Variants in SREK1 observed in about 807,000 individuals in gnomAD.
The protein encoded by SREK1 is splicing regulatory glutamine/lysine-rich protein 1.
A neutral mutation model predicts 66.5 loss-of-function variants in SREK1; 13 were observed. The observed-to-expected ratio is 0.20, with a 90% CI of 0.13 to 0.31. The LOEUF is 0.31. SREK1 is among the 10% of genes least tolerant of loss of function. SREK1 has a pLI of 1.00. For synonymous variants in SREK1, 265 were observed against 263.5 expected, an observed-to-expected ratio of 1.01 and a Z score of -0.05; for missense variants, 607 against 769.6, an observed-to-expected ratio of 0.79 and a Z score of 2.50.
chr5:66,164,283 A>G (rs1744994077), intron 6 of SREK1: 1 of 261,546 alleles, frequency 3.8e-6, no homozygotes, highest in Middle Eastern at 1.4e-3. Context: ...TTTTAATTTT[A>G]GAAGTAGAGA....
At chr5:66,144,786 C>T (rs1743008305) in intron 1 of SREK1, 1 of 1,209,276 alleles carries the variant, frequency 8.3e-7, no homozygotes, top group Non-Finnish European at 1.0e-6. Flanking sequence ...TCTGTGCCTC[C>T]GGGACTTGTG....
Position 66,162,163 on chromosome 5 carries a change from A to G in SREK1, c.466A>G (p.Asn156Asp). 1 of 1,614,130 alleles carries G rather than the reference A, an allele frequency of 6.2e-7. No homozygotes were observed. Among genetic ancestry groups the G allele is most frequent in the Non-Finnish European group, 8.5e-7 (1 of 1,179,968 alleles). The change falls in exon 4 of 12, where the codon AAC becomes GAC. Residue 156 changes from asparagine (N) to aspartate (D), a missense_variant. By Grantham distance (23) the Asn-to-Asp change is conservative (BLOSUM62 1). Around this residue, in one of 5 missense-constraint regions of SREK1, gnomAD observed 99 missense variants for 186.6 expected, o/e 0.53. Coordinates refer to ENST00000334121, the MANE Select transcript of SREK1 (RefSeq NM_001077199.3). ...GAIPAAALDPNIATLGEIPQP... is the reference protein window; with the variant it reads ...GAIPAAALDPDIATLGEIPQP... ...TATACCAGCAGCAGCACTAGACCCC[A>G]ACATTGCAACACTTGGAGAGATACC...
chr5:66,144,380 A>G lies in SREK1; in HGVS notation c.4A>G (p.Asn2Asp). The stretch of plus-strand genomic sequence containing the variant: ...AGGCAACGGCAGCGGGATCGGGATG[A>G]ACAGCGGCGGCGGCTTCGGTTTGGG... MNSGGGFGLGLG... is the reference protein window; with the variant it reads MDSGGGFGLGLG... The change falls in exon 1 of 12, where the codon AAC becomes GAC. Residue 2 changes from asparagine (N) to aspartate (D), a missense_variant. Physicochemically the swap from Asn to Asp is conservative, Grantham distance 23. Coordinates refer to ENST00000334121, the MANE Select transcript of SREK1 (RefSeq NM_001077199.3). 1.1e-5 allele frequency: 17 copies of G among 1,547,430 alleles called. No individual in the cohort carries two copies. Among genetic ancestry groups the G allele is most frequent in the Non-Finnish European group, 1.5e-5 (17 of 1,144,372 alleles).
At position 66,170,575 on chromosome 5, in the gene SREK1, GT is replaced by G. The variant is rs1745549865; in HGVS notation, c.1122-5del. The G allele has an allele frequency of 6.3e-7, 1 of 1,575,812 alleles. No individual in the cohort carries two copies. The highest frequency in any genetic ancestry group is 1.4e-5 in the African/African-American group (1 of 72,456). On this transcript the variant is annotated splice_polypyrimidine_tract_variant and intron_variant, in intron 8 of 11. Coordinates refer to ENST00000334121, the MANE Select transcript of SREK1 (RefSeq NM_001077199.3). Reference sequence around the variant, plus strand: ...TTTAGTTATGAATTTATTTATTTTTGTTTTTAAAGGGACAAGAGAAAAGACA... The same window carrying G: ...TTTAGTTATGAATTTATTTATTTTTGTTTTAAAGGGACAAGAGAAAAGACA...
chr5:66,144,630 G>A (rs1001947301), intron 1 of SREK1, 93 bp downstream of exon 1: 1 of 1,451,342 alleles, frequency 6.9e-7, no homozygotes, highest in Non-Finnish European at 9.1e-7. Context: ...CGGGCGCGCG[G>A]TGCATGTCAC....
chr5:66,165,896 A>G (rs1745135748), intron 7 of SREK1: 1 of 152,112 alleles, frequency 6.6e-6, no homozygotes, highest in Non-Finnish European at 1.5e-5. Context: ...GTGTGTGTTG[A>G]TCAAGGAGAT....
At chr5:66,173,937 T>C (rs1349503799) in intron 9 of SREK1, among the ~76,000 whole-genome samples, 1 of 152,232 alleles carries the variant, frequency 6.6e-6, no homozygotes, top group Non-Finnish European at 1.5e-5. Context: ...AGTTGTGTTC[T>C]CAGAGTTCTT....
Position 66,157,288 on chromosome 5 carries a change from C to T in SREK1, c.296-1931C>T, listed in dbSNP as rs144271121. On this transcript the variant is annotated intron_variant, in intron 2 of 11. Coordinates refer to ENST00000334121, the MANE Select transcript of SREK1 (RefSeq NM_001077199.3). ...AGACTTCATAATACTAAGTAGTCAA[C>T]TTTTGGCCAGTGTTGAATACCCTTT... is the stretch of plus-strand genomic sequence containing the variant. 2,783 of 985,008 alleles carry T rather than the reference C, an allele frequency of 2.8e-3. 69 individuals carry two copies. In the African/African-American group the frequency reaches 0.044, roughly 16 times the overall value. The allele number at this position is 985,008 out of a possible 1,614,324, so 61.0% of individuals were successfully genotyped here. A position where few individuals can be genotyped will look rare whatever the true frequency, so the allele number is the denominator to read the frequency against.
chr5:66,144,988 CGA>C (rs1415274185), intron 1 of SREK1: 1 of 987,078 alleles, frequency 1.0e-6, no homozygotes, highest in Non-Finnish European at 1.2e-6. Flanking sequence ...GTTTTGCTGA[CGA>C]GAAAGCCTGC....
intron 2 of SREK1, 69 bp from the exon 3 acceptor site, chr5:66,159,150 T>C: frequency 6.5e-7 from 1 of 1,542,104 alleles, no homozygotes; most frequent in Non-Finnish European, 8.7e-7. Flanking sequence ...CAAGGGTAAT[T>C]GTAAAATCAT....
At chr5:66,174,530 T>C (rs1745897372) in intron 9 of SREK1, 1 of 153,134 alleles carries the variant, frequency 6.5e-6, no homozygotes, top group Admixed American at 6.5e-5. Context: ...CCTGTTACTT[T>C]GTTATAATCC....
chr5:66,151,185 C>A (rs1743772054), intron 1 of SREK1, among the ~76,000 whole-genome samples: 1 of 152,134 alleles, frequency 6.6e-6, no homozygotes, highest in South Asian at 2.1e-4. Context: ...GGGAACTTTA[C>A]TCATTGTGGT....
chr5:66,147,073 A>T (rs1743302416), intron 1 of SREK1, among the ~76,000 whole-genome samples: 1 of 152,154 alleles, frequency 6.6e-6, no homozygotes, highest in Non-Finnish European at 1.5e-5. Flanking sequence ...AATGACTTAA[A>T]TGACTTAAGT....
At chr5:66,178,181 G>C (rs1458503356) in intron 11 of SREK1, among the ~76,000 whole-genome samples, 1 of 151,744 alleles carries the variant, frequency 6.6e-6, no homozygotes, top group African/African-American at 2.4e-5. Context: ...ATAGTTTTAT[G>C]TACTGTAATA....
At chr5:66,176,778 AT>A (rs1191514341) in intron 10 of SREK1, among the ~76,000 whole-genome samples, 1 of 151,926 alleles carries the variant, frequency 6.6e-6, no homozygotes, top group African/African-American at 2.4e-5. Context: ...ATTATGTTTA[AT>A]TGGAGGTTAG....
At chr5:66,157,638 T>A in intron 2 of SREK1, 1 of 970,114 alleles carries the variant, frequency 1.0e-6, no homozygotes, top group Non-Finnish European at 1.2e-6. Context: ...TGTTATTTGA[T>A]GTTTTCAGTA....
chr5:66,165,748 TGAGAGAGCAGGGAGG>T (rs1189477816), intron 7 of SREK1: 2 of 152,164 alleles, frequency 1.3e-5, no homozygotes, highest in African/African-American at 4.8e-5. Flanking sequence ...ATGTATGTCT[TGAGAGAGCAGGGAGG>T]GAAGAGTGTA....
intron 1 of SREK1, among the ~76,000 whole-genome samples, chr5:66,145,835 A>G (rs1157621989): frequency 6.7e-5 from 10 of 150,190 alleles, no homozygotes; most frequent in African/African-American, 2.2e-4. Flanking sequence ...CCATGTATTA[A>G]TAGTTATCTC....
At chr5:66,152,098 C>T (rs558428049) in intron 1 of SREK1, among the ~76,000 whole-genome samples, 6 of 152,150 alleles carry the variant, frequency 3.9e-5, no homozygotes, top group African/African-American at 1.4e-4. Flanking sequence ...GCCCGCCTTC[C>T]GCCTTGGCCT....
Sources: allele counts gnomAD v4.1 joint callset (sites outside exome capture counted in the v4.1 genomes callset), GRCh38; gene constraint gnomAD v4.1.1; regional missense constraint gnomAD v4.1.1; transcripts MANE v1.5; gene names NCBI Gene and HGNC (gene_info 2026-07-23, HGNC 2026-07-21).